DYNC2H1: variants seen among roughly 807,000 people sequenced by gnomAD.
DYNC2H1 encodes cytoplasmic dynein 2 heavy chain 1.
DYNC2H1 carries 410 observed loss-of-function variants against 570.0 expected under a neutral mutation model. The ratio of observed to expected loss-of-function variants is 0.72; its 90% CI spans 0.66 to 0.78. The LOEUF is 0.78. Among genes scored for constraint, DYNC2H1 ranks in the 30% least tolerant of loss-of-function variants. The probability of loss-of-function intolerance (pLI) is 0.00; values close to 1 mark genes in which losing one functional copy is unlikely to be tolerated. For synonymous variants in DYNC2H1, 1,688 were observed against 1,677.6 expected (o/e 1.01, Z -0.15); for missense variants, 4,865 against 5,046.4 (o/e 0.96, Z 1.09).
chr11:103,286,993 A>G (rs948338018), intron 74 of DYNC2H1, among the ~76,000 whole-genome samples: 3 of 152,212 alleles, frequency 2.0e-5, no homozygotes, highest in African/African-American at 7.2e-5. Context: ...TTAAACATCT[A>G]GGAATATCAT....
At position 103,115,107 on chromosome 11, in the gene DYNC2H1, C is replaced by T. The variant is rs1468288774; in HGVS notation, c.503-70C>T. The T allele has an allele frequency of 9.6e-6, 11 of 1,147,386 alleles. No individual in the cohort carries two copies. In the East Asian group the frequency reaches 2.8e-4, roughly 30 times the overall value. 71.1% of individuals were successfully genotyped at this position (1,147,386 alleles called of 1,614,324 possible). On this transcript the variant is annotated intron_variant, in intron 3 of 88. Transcript: ENST00000375735. ...TAGATGACTCAAATATTTTGCTGCT[C>T]TGCTGTTTTGTATTCATTTTTTTTT...
chr11:103,230,897 T>A (rs986563005), intron 59 of DYNC2H1, among the ~76,000 whole-genome samples: 5 of 152,128 alleles, frequency 3.3e-5, no homozygotes, highest in Admixed American at 2.0e-4. Flanking sequence ...TTTTTGAAAT[T>A]TCTCCTATTT....
intron 52 of DYNC2H1, among the ~76,000 whole-genome samples, chr11:103,208,851 A>G (rs965298331): frequency 6.6e-6 from 1 of 152,138 alleles, no homozygotes; most frequent in African/African-American, 2.4e-5. Context: ...AAAAAGTACC[A>G]TTTTTACTTC....
In DYNC2H1 at chr11:103,439,961, G is replaced by A. The variant is rs536469986; in HGVS notation, c.12456+3929G>A. On this transcript the variant is annotated intron_variant, in intron 85 of 88. Transcript: ENST00000375735. This position sits in a 1 kb window ranked among gnomAD's most constrained non-coding sequence, Gnocchi z 4.1. ...CTGTGTTTTCCCTTTGGCTTGTAGC[G>A]TATCCCTTACAGCAGTATATTCTGA... is the stretch of plus-strand genomic sequence containing the variant. 3.4e-4 allele frequency among the ~76,000 whole-genome samples: 51 copies of A among 152,078 alleles called. No individual in the cohort carries two copies. Among genetic ancestry groups the A allele is most frequent in the African/African-American group, 6.3e-4 (26 of 41,486 alleles).
chr11:103,111,152 A>G (rs1858094520), intron 1 of DYNC2H1, among the ~76,000 whole-genome samples: 1 of 152,182 alleles, frequency 6.6e-6, no homozygotes, highest in Non-Finnish European at 1.5e-5. Flanking sequence ...GGATGATTGA[A>G]TCATTCACCC....
intron 83 of DYNC2H1, among the ~76,000 whole-genome samples, chr11:103,387,918 G>T (rs1941960223): frequency 6.6e-6 from 1 of 152,204 alleles, no homozygotes; most frequent in Non-Finnish European, 1.5e-5. Context: ...TTGTAGTATA[G>T]TTTGAAGTCA....
At chr11:103,346,483 T>C (rs1939750544) in intron 82 of DYNC2H1, among the ~76,000 whole-genome samples, 1 of 152,218 alleles carries the variant, frequency 6.6e-6, no homozygotes, top group Admixed American at 6.5e-5. Flanking sequence ...TGAATTTGAA[T>C]ACTTTTCATA....
rs1286042614 is a variant in DYNC2H1, at chr11:103,109,433, C to G, written c.-142C>G. 1.0e-5 allele frequency: 8 copies of G among 789,266 alleles called. No homozygotes were observed. In the East Asian group the frequency reaches 1.9e-4, roughly 19 times the overall value. The allele number at this position is 789,266 out of a possible 1,614,324, so 48.9% of individuals were successfully genotyped here. A position where few individuals can be genotyped will look rare whatever the true frequency, so the allele number is the denominator to read the frequency against. ...CCGTAGTGCTCCGTCGCCATAGCGA[C>G]TACCCCTGGCAACCGCGAAGCTCTG... On this transcript the variant is annotated 5_prime_UTR_variant, in exon 1 of 89. Transcript: ENST00000375735.
chr11:103,321,259 CA>C, intron 81 of DYNC2H1, 22 bp downstream of exon 81: 1 of 1,573,210 alleles, frequency 6.4e-7, no homozygotes, highest in Admixed American at 1.8e-5. Context: ...GAATGATTTT[CA>C]ATCTATTTCC....
intron 12 of DYNC2H1, 149 bp downstream of exon 12, chr11:103,125,444 C>G (rs1858946873): frequency 5.3e-6 from 3 of 566,638 alleles, no homozygotes; most frequent in South Asian, 6.9e-5. Flanking sequence ...GAGTCCATTA[C>G]AAAATTTGCT....
chr11:103,345,965 T>C (rs3847584), intron 82 of DYNC2H1, among the ~76,000 whole-genome samples: 32,990 of 152,174 alleles, frequency 0.22, 3,715 homozygotes, highest in Admixed American at 0.31. Context: ...CGTATTTCTA[T>C]GTGCTAGCTA....
chr11:103,211,204 A>T (rs1863141770), intron 53 of DYNC2H1, among the ~76,000 whole-genome samples: 1 of 264 alleles, frequency 3.8e-3, no homozygotes, highest in Non-Finnish European at 8.2e-3. Context: ...AGAGTCGAGG[A>T]TGTTTTTTGG....
At chr11:103,468,043 C>A (rs1734739922) in intron 87 of DYNC2H1, among the ~76,000 whole-genome samples, 1 of 152,106 alleles carries the variant, frequency 6.6e-6, no homozygotes, top group Non-Finnish European at 1.5e-5. Context: ...GATAATAATA[C>A]CAAAAGAACC....
rs886047568 is a variant in DYNC2H1, at chr11:103,204,861, C to T, written c.8351C>T (p.Ser2784Phe). ...QNLHIVLIMD[S>F]ANSNFMINCE... ...TTGCATATTGTCTTGATAATGGATT[C>T]TGCAAATTCAAACTTCATGATAAAC... is the stretch of plus-strand genomic sequence containing the variant. The change falls in exon 52 of 89, where the codon TCT becomes TTT. Residue 2784 changes from serine (S) to phenylalanine (F), a missense_variant. Coordinates refer to ENST00000375735, the MANE Select transcript of DYNC2H1 (RefSeq NM_001377.3). This position sits in a 1 kb window ranked among gnomAD's most constrained non-coding sequence, Gnocchi z 4.1. The T allele has an allele frequency of 6.3e-7, 1 of 1,589,168 alleles. No individual in the cohort carries two copies. The highest frequency in any genetic ancestry group is 1.7e-4 in the Middle Eastern group (1 of 6,028).
At position 103,185,169 on chromosome 11, in the gene DYNC2H1, G is replaced by A. The variant is rs1031604079; in HGVS notation, c.6633+118G>A. On this transcript the variant is annotated intron_variant, in intron 41 of 88. Transcript: ENST00000375735. The surrounding 1 kb of genome is among the most constrained non-coding windows in gnomAD (Gnocchi z 4.5). The stretch of plus-strand genomic sequence containing the variant: ...TGGAACTTTTAAAATTTGAAATTAT[G>A]TATTCAATTGAGTAATAATGTATTT... 28 of 820,894 alleles carry A rather than the reference G, an allele frequency of 3.4e-5. No individual in the cohort carries two copies. The African/African-American group carries it at 4.5e-4, about 13-fold the overall frequency. The allele number at this position is 820,894 out of a possible 1,614,324, so 50.9% of individuals were successfully genotyped here.
At chr11:103,344,722 T>C (rs1939648607) in intron 82 of DYNC2H1, among the ~76,000 whole-genome samples, 1 of 152,232 alleles carries the variant, frequency 6.6e-6, no homozygotes, top group Non-Finnish European at 1.5e-5. Flanking sequence ...AGTATATTTA[T>C]GTGTATTCTT....
At chr11:103,427,832 GAC>G (rs1943727221) in intron 84 of DYNC2H1, among the ~76,000 whole-genome samples, 1 of 151,966 alleles carries the variant, frequency 6.6e-6, no homozygotes, top group African/African-American at 2.4e-5. Context: ...ATCTTGTGGG[GAC>G]ACACACATTC....
At chr11:103,476,880 T>G (rs1945568300) in intron 88 of DYNC2H1, among the ~76,000 whole-genome samples, 1 of 152,210 alleles carries the variant, frequency 6.6e-6, no homozygotes, top group Non-Finnish European at 1.5e-5. Flanking sequence ...ACTGCTATCA[T>G]AACACCATTT....
intron 17 of DYNC2H1, among the ~76,000 whole-genome samples, 189 bp downstream of exon 17, chr11:103,136,137 A>G (rs866898393): frequency 1.3e-5 from 2 of 151,898 alleles, no homozygotes; most frequent in Non-Finnish European, 2.9e-5. Flanking sequence ...AAGTTATGGG[A>G]AAGATTTTTT....
Sources: gnomAD v4.1 joint callset for allele counts (sites outside exome capture counted in the v4.1 genomes callset) on GRCh38, gnomAD v4.1.1 for gene constraint, Gnocchi (gnomAD v3.1) non-coding constraint, MANE v1.5 for transcripts, NCBI Gene and HGNC (gene_info 2026-07-23, HGNC 2026-07-21) for gene names.